MRTFA: variants seen among roughly 807,000 people sequenced by gnomAD.
The protein encoded by MRTFA is myocardin related transcription factor A.
Under a neutral mutation model 83.5 loss-of-function variants are expected in MRTFA, and 20 were observed. That is an observed-to-expected ratio of 0.24 (90% CI 0.17 to 0.35). The LOEUF is 0.35. MRTFA is among the 10% of genes least tolerant of loss of function. MRTFA has a pLI of 1.00. For missense variants in MRTFA, 1,200 were observed against 1,224.7 expected (o/e 0.98, Z 0.30); for synonymous variants, 659 against 541.2 (o/e 1.22, Z -3.02).
intron 1 of MRTFA, among the ~76,000 whole-genome samples, chr22:40,620,798 T>C (rs1230522556): frequency 2.0e-5 from 3 of 151,984 alleles, no homozygotes; most frequent in Non-Finnish European, 4.4e-5. Flanking sequence ...CCCCAAAATA[T>C]ACATAGGAGA....
intron 1 of MRTFA, among the ~76,000 whole-genome samples, chr22:40,613,240 T>C (rs898375639): frequency 6.6e-5 from 10 of 152,238 alleles, no homozygotes; most frequent in Admixed American, 2.0e-4. Context: ...CATTCACCTG[T>C]TGATGGCATT....
At chr22:40,419,411 G>A (rs1484082893) in intron 11 of MRTFA, 27 bp from the exon 12 acceptor site, 4 of 1,605,486 alleles carry the variant, frequency 2.5e-6, no homozygotes, top group Admixed American at 3.3e-5. Context: ...AGTCAGGGAG[G>A]CCAGGGGCAG....
intron 4 of MRTFA, among the ~76,000 whole-genome samples, chr22:40,445,604 G>A (rs958658186): frequency 2.6e-5 from 4 of 152,018 alleles, no homozygotes; most frequent in South Asian, 2.1e-4. Flanking sequence ...GCACAATCTC[G>A]ATGGCGCAAT....
chr22:40,610,092 C>CT (rs1456929272), intron 1 of MRTFA, among the ~76,000 whole-genome samples: 1 of 140,390 alleles, frequency 7.1e-6, no homozygotes, highest in African/African-American at 2.7e-5. Context: ...GTTGCCCAGG[C>CT]TTGGAGGGCA....
chr22:40,459,822 C>CATATATATATATATATATAT (rs1284924516), intron 4 of MRTFA, among the ~76,000 whole-genome samples: 1 of 68,260 alleles, frequency 1.5e-5, no homozygotes, highest in African/African-American at 6.5e-5. Flanking sequence ...CACACACACA[C>CATATATATATATATATATAT]ATATATACAT....
chr22:40,441,588 C>A (rs1030564690), intron 4 of MRTFA, among the ~76,000 whole-genome samples: 3 of 152,066 alleles, frequency 2.0e-5, no homozygotes, highest in Non-Finnish European at 4.4e-5. Flanking sequence ...AGTTCGAGAC[C>A]AGCCTGGCCA....
chr22:40,630,302 C>T (rs748559676), intron 1 of MRTFA, among the ~76,000 whole-genome samples: 3 of 151,908 alleles, frequency 2.0e-5, no homozygotes, highest in Non-Finnish European at 4.4e-5. Context: ...GGCAAGAGAA[C>T]GAGACTCTGT....
chr22:40,482,961 T>C (rs558626427), intron 3 of MRTFA, among the ~76,000 whole-genome samples: 1 of 152,096 alleles, frequency 6.6e-6, no homozygotes, highest in South Asian at 2.1e-4. Context: ...GGAGACAACA[T>C]CTGGTTGTGT....
chr22:40,523,366 G>A (rs1194898125), intron 3 of MRTFA: 1 of 151,724 alleles, frequency 6.6e-6, no homozygotes, highest in Non-Finnish European at 1.5e-5. Flanking sequence ...TTTGAGATAG[G>A]GTCTCACTTT....
chr22:40,422,221 G>GGGAAAGCACAACCAAGGAGA (rs1490868327), intron 9 of MRTFA, among the ~76,000 whole-genome samples: 1 of 152,110 alleles, frequency 6.6e-6, no homozygotes, highest in African/African-American at 2.4e-5. Context: ...AAGGGAGGCA[G>GGGAAAGCACAACCAAGGAGA]GGAAAGCACA....
chr22:40,609,208 T>G (rs2056354778), intron 1 of MRTFA, among the ~76,000 whole-genome samples: 1 of 151,728 alleles, frequency 6.6e-6, no homozygotes, highest in Non-Finnish European at 1.5e-5. Flanking sequence ...GGGGAATCAC[T>G]TGAACCTGGG....
At chr22:40,628,721 C>T (rs1246490710) in intron 1 of MRTFA, among the ~76,000 whole-genome samples, 2 of 152,106 alleles carry the variant, frequency 1.3e-5, no homozygotes, top group East Asian at 3.9e-4. Context: ...TCTATTACTG[C>T]TATATGAGCC....
chr22:40,607,439 G>C (rs921192931), intron 1 of MRTFA, among the ~76,000 whole-genome samples: 1 of 150,920 alleles, frequency 6.6e-6, no homozygotes, highest in African/African-American at 2.4e-5. Flanking sequence ...GAGAGTCGGA[G>C]CTTGCAGTGA....
At chr22:40,550,748 G>A (rs1041679773) in intron 3 of MRTFA, among the ~76,000 whole-genome samples, 1 of 152,042 alleles carries the variant, frequency 6.6e-6, no homozygotes, top group African/African-American at 2.4e-5. Flanking sequence ...ATTCAAGTTA[G>A]TAGTTTCCTC....
Position 40,418,633 on chromosome 22 carries a change from G to T in MRTFA, c.2105C>A (p.Ala702Glu). ...GTCTATGTGGTTGGTGGCTGGGGCCGCCAGGCTGGGGTTGAATGGGTGAGC... is the reference window on the plus strand; with the variant it reads ...GTCTATGTGGTTGGTGGCTGGGGCCTCCAGGCTGGGGTTGAATGGGTGAGC... The change falls in exon 12 of 15, where the codon GCG becomes GAG. Residue 702 changes from alanine to glutamate, a missense_variant. By Grantham distance (107) the Ala-to-Glu change is moderately radical (BLOSUM62 -1). Around this residue, in one of 2 missense-constraint regions of MRTFA, gnomAD observed 1,107 missense variants for 1,041.8 expected, o/e 1.06. Coordinates refer to ENST00000355630, the MANE Select transcript of MRTFA (RefSeq NM_020831.6). 3.9e-6 allele frequency: 6 copies of T among 1,527,378 alleles called. No individual in the cohort carries two copies. The highest frequency in any genetic ancestry group is 5.2e-6 in the Non-Finnish European group (6 of 1,144,870). The allele number at this position is 1,527,378 out of a possible 1,614,324, so 94.6% of individuals were successfully genotyped here. A position where few individuals can be genotyped will look rare whatever the true frequency, so the allele number is the denominator to read the frequency against.
chr22:40,426,814 AGCTG>A (rs2052964033), intron 7 of MRTFA, among the ~76,000 whole-genome samples: 1 of 152,332 alleles, frequency 6.6e-6, no homozygotes, highest in South Asian at 2.1e-4. Flanking sequence ...AGCAGCTGCC[AGCTG>A]GTCTAGAATG....
intron 3 of MRTFA, among the ~76,000 whole-genome samples, chr22:40,515,447 G>T (rs531523087): frequency 6.6e-6 from 1 of 151,282 alleles, no homozygotes; most frequent in Non-Finnish European, 1.5e-5. Context: ...TAATCCCAGC[G>T]CTTTGGGAGG....
intron 2 of MRTFA, among the ~76,000 whole-genome samples, chr22:40,570,576 T>TAA (rs2055774664): frequency 4.3e-5 from 1 of 23,528 alleles, no homozygotes. Flanking sequence ...AGACTCTGTC[T>TAA]CAAAAAAAAA....
chr22:40,476,634 T>C (rs1354163135), intron 3 of MRTFA, among the ~76,000 whole-genome samples: 1 of 151,994 alleles, frequency 6.6e-6, no homozygotes, highest in Non-Finnish European at 1.5e-5. Context: ...GCTAATTTTT[T>C]GTACAGACAG....
Sources: gnomAD v4.1 joint callset for allele counts (sites outside exome capture counted in the v4.1 genomes callset) on GRCh38, gnomAD v4.1.1 for gene constraint, gnomAD v4.1.1 regional missense constraint, MANE v1.5 for transcripts, NCBI Gene and HGNC (gene_info 2026-07-23, HGNC 2026-07-21) for gene names.